DTNA: variants seen among roughly 807,000 people sequenced by gnomAD.
DTNA encodes dystrobrevin alpha.
DTNA carries 43 observed loss-of-function variants against 100.7 expected under a neutral mutation model. The observed-to-expected ratio is 0.43, with a 90% CI of 0.33 to 0.55. The LOEUF (loss-of-function observed/expected upper bound fraction) is 0.55. Among genes scored for constraint, DTNA ranks in the 20% least tolerant of loss-of-function variants. DTNA has a pLI of 0.04. For synonymous variants in DTNA, 349 were observed against 347.9 expected (o/e 1.00, Z -0.04); for missense variants, 798 against 953.9 (o/e 0.84, Z 2.15).
chr18:34,667,635 G>C (rs1033356719), intron 1 of DTNA, among the ~76,000 whole-genome samples: 4 of 152,148 alleles, frequency 2.6e-5, no homozygotes, highest in Admixed American at 6.6e-5. Context: ...TAGCATGAAG[G>C]GCTGTTGAAT....
intron 1 of DTNA, among the ~76,000 whole-genome samples, chr18:34,543,486 G>A (rs2044455102): frequency 6.6e-6 from 1 of 152,008 alleles, no homozygotes; most frequent in South Asian, 2.1e-4. Context: ...GCTGATGAAA[G>A]TACTCTATTT....
chr18:34,496,032 T>G (rs2039156252), intron 1 of DTNA, among the ~76,000 whole-genome samples: 1 of 152,176 alleles, frequency 6.6e-6, no homozygotes, highest in Non-Finnish European at 1.5e-5. Flanking sequence ...ATAGATTTCC[T>G]TTAATTCTCA....
rs575767592 is a variant in DTNA, at chr18:34,890,169, A to G, written c.*2435A>G. On this transcript the variant is annotated 3_prime_UTR_variant, in exon 23 of 23. Transcript: ENST00000444659. Reference sequence around the variant, plus strand: ...TCTGCTGATAACCTTCCCCGTTGTCATAGCTATTTCATTGCCAACCAACTC... The same window carrying G: ...TCTGCTGATAACCTTCCCCGTTGTCGTAGCTATTTCATTGCCAACCAACTC... 21 of 1,440,468 alleles carry G rather than the reference A, an allele frequency of 1.5e-5. No homozygotes were observed. Among genetic ancestry groups the G allele is most frequent in the Non-Finnish European group, 1.8e-5 (20 of 1,103,198 alleles). 89.2% of individuals were successfully genotyped at this position (1,440,468 alleles called of 1,614,324 possible).
intron 17 of DTNA, chr18:34,867,093 C>G: frequency 2.4e-6 from 3 of 1,231,030 alleles, no homozygotes; most frequent in Non-Finnish European, 2.0e-6. Context: ...ATCCCACTCA[C>G]TAGCATTATT....
rs540427364 is a variant in DTNA, at chr18:34,857,394, A to G, written c.1533-891A>G. 5.9e-5 allele frequency among the ~76,000 whole-genome samples: 9 copies of G among 152,252 alleles called. No individual in the cohort carries two copies. In the South Asian group the frequency reaches 6.2e-4, roughly 11 times the overall value. ...GCTTTGCTCCGTCTTACTGGCTTCT[A>G]TGCATTTTGTTGAGTAGGAAACTGA... On this transcript the variant is annotated intron_variant, in intron 15 of 22. Coordinates refer to ENST00000444659, the MANE Select transcript of DTNA (RefSeq NM_001386795.1).
At chr18:34,596,726 A>G (rs2050688734) in intron 1 of DTNA, among the ~76,000 whole-genome samples, 1 of 152,100 alleles carries the variant, frequency 6.6e-6, no homozygotes, top group South Asian at 2.1e-4. Flanking sequence ...GATTTCAGAT[A>G]ACTTTTCTGA....
chr18:34,512,145 G>A (rs2041154597), intron 1 of DTNA, among the ~76,000 whole-genome samples: 1 of 151,972 alleles, frequency 6.6e-6, no homozygotes, highest in South Asian at 2.1e-4. Context: ...TCTAGGCTGT[G>A]TGTTTAGGAG....
At chr18:34,510,093 G>GT (rs71159875) in intron 1 of DTNA, among the ~76,000 whole-genome samples, 7 of 148,502 alleles carry the variant, frequency 4.7e-5, no homozygotes, top group South Asian at 2.1e-4. Context: ...GTGTGTGTGT[G>GT]GTTTTTTTGG....
intron 1 of DTNA, among the ~76,000 whole-genome samples, chr18:34,684,373 T>C (rs58891218): frequency 0.062 from 9,367 of 152,022 alleles, 938 homozygotes; most frequent in African/African-American, 0.21. Context: ...TGTTCAACTC[T>C]CACTTATGAG....
At chr18:34,801,272 A>C (rs2095200428) in intron 4 of DTNA, among the ~76,000 whole-genome samples, 3 of 152,164 alleles carry the variant, frequency 2.0e-5, no homozygotes, top group African/African-American at 7.2e-5. Flanking sequence ...TTACATGTTA[A>C]TTATATACCA....
At chr18:34,723,522 C>G (rs895291923) in intron 1 of DTNA, among the ~76,000 whole-genome samples, 4 of 152,044 alleles carry the variant, frequency 2.6e-5, no homozygotes, top group African/African-American at 9.7e-5. Context: ...TGTCAATAAC[C>G]TAAATATAAT....
At chr18:34,538,964 A>G (rs2043986848) in intron 1 of DTNA, among the ~76,000 whole-genome samples, 1 of 152,032 alleles carries the variant, frequency 6.6e-6, no homozygotes, top group African/African-American at 2.4e-5. Flanking sequence ...TAAAACAAAT[A>G]CCACACTCAG....
intron 1 of DTNA, among the ~76,000 whole-genome samples, chr18:34,728,073 T>A (rs563697811): frequency 3.3e-5 from 5 of 152,222 alleles, no homozygotes; most frequent in Non-Finnish European, 5.9e-5. Flanking sequence ...CTTCAGCAGA[T>A]ACGTATTACT....
intron 1 of DTNA, among the ~76,000 whole-genome samples, chr18:34,752,776 A>G (rs1032395829): frequency 1.3e-5 from 2 of 152,226 alleles, no homozygotes; most frequent in African/African-American, 4.8e-5. Context: ...GTAACTAATG[A>G]TGGTTCTTTT....
intron 14 of DTNA, among the ~76,000 whole-genome samples, chr18:34,851,519 G>A (rs1455248786): frequency 6.6e-6 from 1 of 152,156 alleles, no homozygotes; most frequent in Non-Finnish European, 1.5e-5. Context: ...GGTACAATGG[G>A]GACAGTGTGG....
chr18:34,509,230 C>G (rs1376614700), intron 1 of DTNA, among the ~76,000 whole-genome samples: 2 of 152,216 alleles, frequency 1.3e-5, no homozygotes, highest in East Asian at 3.9e-4. Context: ...GATGTTTCCT[C>G]TTACATAGAG....
At chr18:34,555,739 G>A (rs1215345102) in intron 1 of DTNA, among the ~76,000 whole-genome samples, 1 of 152,184 alleles carries the variant, frequency 6.6e-6, no homozygotes, top group Non-Finnish European at 1.5e-5. Context: ...TGGTCTGAGA[G>A]ATAGTTTGTT....
At chr18:34,725,412 AC>A (rs1245252237) in intron 1 of DTNA, among the ~76,000 whole-genome samples, 2 of 151,540 alleles carry the variant, frequency 1.3e-5, no homozygotes, top group African/African-American at 4.8e-5. Flanking sequence ...AAAAAAAAAA[AC>A]AACCCCATCA....
intron 1 of DTNA, among the ~76,000 whole-genome samples, chr18:34,637,590 C>A (rs973820802): frequency 2.0e-5 from 3 of 152,198 alleles, no homozygotes; most frequent in African/African-American, 7.2e-5. Flanking sequence ...AAAGCACTGT[C>A]ACCCTCACCA....
Sources: allele counts gnomAD v4.1 joint callset (sites outside exome capture counted in the v4.1 genomes callset), GRCh38; gene constraint gnomAD v4.1.1; transcripts MANE v1.5; gene names NCBI Gene and HGNC (gene_info 2026-07-23, HGNC 2026-07-21).